MICAL2: variants seen among roughly 807,000 people sequenced by gnomAD.
MICAL2 encodes [F-actin]-monooxygenase MICAL2.
In MICAL2, 77 loss-of-function variants were observed where a neutral mutation model predicts 127.3. The ratio of observed to expected loss-of-function variants is 0.60; its 90% CI spans 0.50 to 0.73. The LOEUF (loss-of-function observed/expected upper bound fraction) is 0.73, where lower values mean the gene tolerates loss of function less well. Ranked by LOEUF, MICAL2 falls within the 30% of genes least tolerant of loss-of-function variation. The pLI, the probability that MICAL2 is intolerant of heterozygous loss-of-function variation, is 0.00. For missense variants in MICAL2, 1,351 were observed against 1,434.4 expected (o/e 0.94, Z 0.94); for synonymous variants, 570 against 551.1 (o/e 1.03, Z -0.48).
At chr11:12,143,734 G>A (rs1403698772) in intron 2 of MICAL2, among the ~76,000 whole-genome samples, 5 of 152,158 alleles carry the variant, frequency 3.3e-5, no homozygotes, top group African/African-American at 1.2e-4. Context: ...ATTCCAGACA[G>A]GGTCACATAA....
Position 12,229,417 on chromosome 11 carries a change from G to T in MICAL2, c.1995+2286G>T, listed in dbSNP as rs1857906282. On this transcript the variant is annotated intron_variant, in intron 15 of 27. Coordinates refer to ENST00000683283, the MANE Select transcript of MICAL2 (RefSeq NM_001282663.2). ...GCCATGTTCCCACTGAGTAAATGGG[G>T]CTGTCTTCTGGGTACCAGCGGTCAG... 2.6e-5 allele frequency among the ~76,000 whole-genome samples: 4 copies of T among 152,344 alleles called. No homozygotes were observed. In the South Asian group the frequency reaches 8.3e-4, roughly 32 times the overall value.
Position 12,231,351 on chromosome 11 carries a change from C to A in MICAL2, c.1995+4220C>A, listed in dbSNP as rs954049411. ...TGATCCTGCTCAACCAGGTCCTCCT[C>A]CTCCTCCAGCACTGGTCCCTGACAG... On this transcript the variant is annotated intron_variant, in intron 15 of 27. Transcript: ENST00000683283. Among the ~76,000 whole-genome samples the A allele has an allele frequency of 3.3e-5, 5 of 152,230 alleles. No individual in the cohort carries two copies. In the East Asian group the frequency reaches 7.7e-4, roughly 23 times the overall value.
intron 3 of MICAL2, among the ~76,000 whole-genome samples, chr11:12,195,037 G>A (rs1027215337): frequency 5.9e-5 from 9 of 152,196 alleles, no homozygotes; most frequent in Non-Finnish European, 1.3e-4. Flanking sequence ...GGCTGAGGCA[G>A]GATGATCGCT....
At chr11:12,227,251 G>A (rs146867026) in intron 15 of MICAL2, 120 bp downstream of exon 15, 101 of 692,300 alleles carry the variant, frequency 1.5e-4, no homozygotes, top group African/African-American at 1.3e-3. Flanking sequence ...AGGCGCTCCC[G>A]GAAGATGCTA....
intron 1 of MICAL2, among the ~76,000 whole-genome samples, chr11:12,134,189 AG>A (rs1851652636): frequency 1.3e-5 from 2 of 152,240 alleles, no homozygotes; most frequent in Admixed American, 1.3e-4. Flanking sequence ...TGTGACCACC[AG>A]TGCATGGCAC....
rs752207553 is a variant in MICAL2 at position 12,242,678 on chromosome 11, C to A, written c.2564C>A (p.Ala855Asp). The change falls in exon 20 of 28, where the codon GCT becomes GAT. Residue 855 changes from alanine to aspartate, a missense_variant. By Grantham distance (126) the Ala-to-Asp change is moderately radical. Transcript: ENST00000683283. ...TTCTCACCTTCACTGCAGAAGAGGG[C>A]TCAGAACTTGGCCAACAGGGAATTT... Reference protein sequence around the residue: ...QVEEKILQKRAQNLANREFHT... With the variant: ...QVEEKILQKRDQNLANREFHT... 1.2e-6 allele frequency: 2 copies of A among 1,612,824 alleles called. No homozygotes were observed. The highest frequency in any genetic ancestry group is 1.7e-6 in the Non-Finnish European group (2 of 1,179,436).
intron 2 of MICAL2, chr11:12,161,587 A>G (rs2133801081): frequency 6.5e-6 from 1 of 154,068 alleles, no homozygotes; most frequent in African/African-American, 2.4e-5. Context: ...GTGGGCAGTC[A>G]TGAAATCTAG....
At chr11:12,308,909 A>G (rs1864142568) in intron 29 of MICAL2, among the ~76,000 whole-genome samples, 2 of 152,186 alleles carry the variant, frequency 1.3e-5, no homozygotes, top group Admixed American at 1.3e-4. Context: ...TTCCATTCCT[A>G]GCTTGCTATG....
rs145669869 is a variant in MICAL2, at chr11:12,333,066, G to A, written c.5515+5800G>A. On this transcript the variant is annotated intron_variant, in intron 32 of 34. Coordinates refer to the MICAL2 transcript ENST00000646065. Reference sequence around the variant, plus strand: ...ATTGCAAGCCAAATATTGAACAAACGTATTAATGAGAGACTAAAGCTGACC... The same window carrying A: ...ATTGCAAGCCAAATATTGAACAAACATATTAATGAGAGACTAAAGCTGACC... 7.6e-3 allele frequency among the ~76,000 whole-genome samples: 1,150 copies of A among 152,188 alleles called. 4 individuals are homozygous for A. The highest frequency in any genetic ancestry group is 0.021 in the Middle Eastern group (6 of 292).
chr11:12,343,406 T>TAAAAAA lies in MICAL2; in HGVS notation c.5516-6419_5516-6414dup, dbSNP rs57546290. 4.3e-3 allele frequency among the ~76,000 whole-genome samples: 475 copies of TAAAAAA among 110,038 alleles called. 12 individuals are homozygous for TAAAAAA. The highest frequency in any genetic ancestry group is 0.011 in the African/African-American group (348 of 30,582). 72.2% of individuals were successfully genotyped at this position (110,038 alleles called of 152,430 possible). ...CTGGGCGACAAGAGCTTCATCTCAT[T>TAAAAAA]AAAAAAAAAAAAAAAAAACTGTAGC... On this transcript the variant is annotated intron_variant, in intron 32 of 34. Coordinates refer to the MICAL2 transcript ENST00000646065.
At chr11:12,224,530 G>C (rs369923415) in intron 12 of MICAL2, 143 bp from the exon 13 acceptor site, 1 of 1,040,298 alleles carries the variant, frequency 9.6e-7, no homozygotes, top group Non-Finnish European at 1.4e-6. Flanking sequence ...AGCTGCACCC[G>C]TGCCAGTGGC....
chr11:12,156,090 G>A (rs1854157452), intron 2 of MICAL2, among the ~76,000 whole-genome samples: 1 of 152,214 alleles, frequency 6.6e-6, no homozygotes, highest in African/African-American at 2.4e-5. Context: ...CTCAGTGAAG[G>A]AGCGGGCATA....
At chr11:12,148,294 CAG>C (rs1165734418) in intron 2 of MICAL2, among the ~76,000 whole-genome samples, 2 of 152,144 alleles carry the variant, frequency 1.3e-5, no homozygotes, top group African/African-American at 4.8e-5. Context: ...AGAAGTAAGA[CAG>C]AGACTTGATA....
chr11:12,191,550 G>A (rs1329783635), intron 3 of MICAL2, among the ~76,000 whole-genome samples: 2 of 151,752 alleles, frequency 1.3e-5, no homozygotes, highest in Non-Finnish European at 2.9e-5. Context: ...GATTGCTTGA[G>A]TTCAGGAGTT....
chr11:12,150,565 A>G (rs922880002), intron 2 of MICAL2, among the ~76,000 whole-genome samples: 1 of 152,184 alleles, frequency 6.6e-6, no homozygotes, highest in Admixed American at 6.5e-5. Flanking sequence ...CAGGTGTGGT[A>G]CCATGCACAC....
chr11:12,234,287 A>T (rs964712350), intron 15 of MICAL2, among the ~76,000 whole-genome samples: 4 of 148,550 alleles, frequency 2.7e-5, no homozygotes, highest in Non-Finnish European at 5.9e-5. Context: ...CCAAATCCTC[A>T]TTTAAGGTAG....
chr11:12,221,868 C>A, intron 10 of MICAL2, 109 bp downstream of exon 10: 1 of 747,740 alleles, frequency 1.3e-6, no homozygotes, highest in Non-Finnish European at 2.2e-6. Flanking sequence ...CCTCTGCCTC[C>A]TCCATTCTAC....
intron 32 of MICAL2, among the ~76,000 whole-genome samples, chr11:12,337,197 G>A (rs562599661): frequency 5.9e-4 from 90 of 152,142 alleles, no homozygotes; most frequent in African/African-American, 2.0e-3. Flanking sequence ...TGTATGTGTC[G>A]AGGAATTTAT....
chr11:12,349,647 G>A (rs981467618), intron 32 of MICAL2, among the ~76,000 whole-genome samples: 32 of 152,152 alleles, frequency 2.1e-4, no homozygotes, highest in African/African-American at 6.5e-4. Context: ...CCTCACACAC[G>A]TACCCACAGC....
Sources: gnomAD v4.1 joint callset for allele counts (sites outside exome capture counted in the v4.1 genomes callset) on GRCh38, gnomAD v4.1.1 for gene constraint, MANE v1.5 for transcripts, NCBI Gene and HGNC (gene_info 2026-07-23, HGNC 2026-07-21) for gene names.